Variants in SGCD observed in about 807,000 individuals in gnomAD.
The protein encoded by SGCD is sarcoglycan delta.
In SGCD, 18 loss-of-function variants were observed where a neutral mutation model predicts 36.6. The ratio of observed to expected loss-of-function variants is 0.49; its 90% CI spans 0.34 to 0.73. The LOEUF (loss-of-function observed/expected upper bound fraction) is 0.73. Ranked by LOEUF, SGCD falls within the 30% of genes least tolerant of loss-of-function variation. SGCD has a pLI of 0.01. For missense variants in SGCD, 387 were observed against 346.7 expected (o/e 1.12, Z -0.92); for synonymous variants, 133 against 130.6 (o/e 1.02, Z -0.12).
chr5:155,928,522 G>T (rs1757036387), intron 1 of SGCD, among the ~76,000 whole-genome samples: 1 of 151,844 alleles, frequency 6.6e-6, no homozygotes, highest in Non-Finnish European at 1.5e-5. Flanking sequence ...ATAAAAATTA[G>T]CTGGGTTCGG....
chr5:156,183,445 T>C (rs1004916506), intron 3 of SGCD, among the ~76,000 whole-genome samples: 3 of 152,330 alleles, frequency 2.0e-5, no homozygotes, highest in African/African-American at 7.2e-5. Flanking sequence ...TCTTGCTTTG[T>C]CACCCAGGCT....
intron 4 of SGCD, among the ~76,000 whole-genome samples, chr5:156,587,719 G>C (rs1333064192): frequency 2.6e-5 from 4 of 152,022 alleles, no homozygotes; most frequent in Admixed American, 2.6e-4. Context: ...TGATAAAATT[G>C]TGTCTATTCT....
At chr5:156,098,118 T>C (rs1458354564) in intron 1 of SGCD, among the ~76,000 whole-genome samples, 1 of 152,210 alleles carries the variant, frequency 6.6e-6, no homozygotes, top group Non-Finnish European at 1.5e-5. Context: ...AAAGAAGAAG[T>C]ATTTTGAGTC....
chr5:156,304,311 G>A (rs1183544284), intron 3 of SGCD, among the ~76,000 whole-genome samples: 1 of 152,136 alleles, frequency 6.6e-6, no homozygotes, highest in Non-Finnish European at 1.5e-5. Context: ...GGAACCCGGT[G>A]GGAGGTAATT....
intron 3 of SGCD, among the ~76,000 whole-genome samples, chr5:156,219,836 G>A (rs550637842): frequency 1.5e-4 from 23 of 152,228 alleles, no homozygotes; most frequent in South Asian, 1.2e-3. Context: ...TTTTAGCCCC[G>A]TATTGGAGAA....
the SGCD span, among the ~76,000 whole-genome samples, chr5:155,808,215 T>C: frequency 2.0e-5 from 3 of 152,200 alleles, no homozygotes; most frequent in African/African-American, 7.2e-5. Context: ...ATTTTGTGAT[T>C]TATCCATTTT....
intron 3 of SGCD, among the ~76,000 whole-genome samples, chr5:156,212,365 T>C (rs1162789355): frequency 6.6e-6 from 1 of 152,116 alleles, no homozygotes; most frequent in Non-Finnish European, 1.5e-5. Context: ...TTAGATAAAA[T>C]AGACCTTAAG....
At chr5:156,695,661 C>T (rs157663) in intron 7 of SGCD, among the ~76,000 whole-genome samples, 6,871 of 152,154 alleles carry the variant, frequency 0.045, 240 homozygotes, top group East Asian at 0.16. Flanking sequence ...AATTAAGGCT[C>T]TACACCAGAA....
chr5:156,363,427 T>G (rs1007002374), intron 3 of SGCD, among the ~76,000 whole-genome samples: 4 of 152,148 alleles, frequency 2.6e-5, no homozygotes, highest in Non-Finnish European at 5.9e-5. Context: ...AGCAGAAAAA[T>G]AATTTAAAAT....
At chr5:156,080,778 C>T (rs776523297) in intron 1 of SGCD, among the ~76,000 whole-genome samples, 9 of 152,280 alleles carry the variant, frequency 5.9e-5, no homozygotes, top group African/African-American at 1.2e-4. Context: ...TTTTCACTGT[C>T]GATATTTATA....
chr5:156,105,369 T>C lies in SGCD; in HGVS notation c.-281-12509T>C, dbSNP rs1581101883. Among the ~76,000 whole-genome samples the C allele has an allele frequency of 2.0e-5, 3 of 152,324 alleles. No individual in the cohort carries two copies. The East Asian group carries it at 5.8e-4, about 29-fold the overall frequency. ...AAATCAGTGAACAAATTGTTTTTAA[T>C]TTTTTGGCAGACTTATGAAGCCAAT... is the stretch of plus-strand genomic sequence containing the variant. On this transcript the variant is annotated intron_variant, in intron 1 of 9. Coordinates refer to the SGCD transcript ENST00000517913.
chr5:156,628,662 T>A (rs532670563), intron 6 of SGCD, among the ~76,000 whole-genome samples: 1 of 152,244 alleles, frequency 6.6e-6, no homozygotes, highest in Non-Finnish European at 1.5e-5. Flanking sequence ...CCAGTTTTGT[T>A]TTCTACTTCT....
At chr5:156,721,735 G>A (rs924197147) in intron 7 of SGCD, among the ~76,000 whole-genome samples, 2 of 152,186 alleles carry the variant, frequency 1.3e-5, no homozygotes, top group African/African-American at 4.8e-5. Flanking sequence ...GTGTGAGCAA[G>A]GGCTGAACCC....
chr5:156,613,374 G>A lies in SGCD; in HGVS notation c.502+18323G>A, dbSNP rs569378996. Among the ~76,000 whole-genome samples, 18 of 152,286 alleles carry A rather than the reference G, an allele frequency of 1.2e-4. No homozygotes were observed. The East Asian group carries it at 3.5e-3, about 29-fold the overall frequency. ...AGTATTCATATATCAGGTATGTTTG[G>A]ACCAATGGATTTTGTTGACATAGTC... On this transcript the variant is annotated intron_variant, in intron 6 of 8. Coordinates refer to ENST00000337851, the MANE Select transcript of SGCD (RefSeq NM_000337.6).
intron 7 of SGCD, among the ~76,000 whole-genome samples, chr5:156,664,901 C>G (rs1284131060): frequency 1.4e-5 from 2 of 144,694 alleles, no homozygotes; most frequent in Non-Finnish European, 1.5e-5. Context: ...GCTCCTTCTC[C>G]AGGTGGCATC....
intron 1 of SGCD, among the ~76,000 whole-genome samples, chr5:156,050,456 A>G (rs1275085721): frequency 6.8e-6 from 1 of 146,872 alleles, no homozygotes; most frequent in Non-Finnish European, 1.5e-5. Flanking sequence ...TTTTCCATGT[A>G]CTAGGAAACC....
chr5:156,488,098 GTTT>G (rs559483068), intron 3 of SGCD, among the ~76,000 whole-genome samples: 23,737 of 92,812 alleles, frequency 0.26, 2,476 homozygotes, highest in Non-Finnish European at 0.29. Flanking sequence ...TTGAAGACAG[GTTT>G]TTTTTTTTTT....
At chr5:156,001,856 A>C (rs572810212) in intron 1 of SGCD, among the ~76,000 whole-genome samples, 1 of 152,366 alleles carries the variant, frequency 6.6e-6, no homozygotes. Flanking sequence ...CTGAGGGTGA[A>C]GGGCTGACAG....
intron 6 of SGCD, among the ~76,000 whole-genome samples, chr5:156,631,803 C>G (rs1252844699): frequency 6.6e-6 from 1 of 152,080 alleles, no homozygotes; most frequent in African/African-American, 2.4e-5. Flanking sequence ...TTGAGTCATA[C>G]AGGAGTAATG....
Sources: gnomAD v4.1 joint callset for allele counts (sites outside exome capture counted in the v4.1 genomes callset) on GRCh38, gnomAD v4.1.1 for gene constraint, MANE v1.5 for transcripts, NCBI Gene and HGNC (gene_info 2026-07-23, HGNC 2026-07-21) for gene names.